MAP2K5: variants seen among roughly 807,000 people sequenced by gnomAD.
The protein encoded by MAP2K5 is dual specificity mitogen-activated protein kinase kinase 5.
A neutral mutation model predicts 83.1 loss-of-function variants in MAP2K5; 49 were observed. That is an observed-to-expected ratio of 0.59 (90% CI 0.47 to 0.75). MAP2K5 has a LOEUF of 0.75. Among genes scored for constraint, MAP2K5 ranks in the 30% least tolerant of loss-of-function variants. The pLI is 0.00. For synonymous variants in MAP2K5, 202 were observed against 191.8 expected, an observed-to-expected ratio of 1.05 and a Z score of -0.44; for missense variants, 457 against 557.5, an observed-to-expected ratio of 0.82 and a Z score of 1.82.
chr15:67,786,650 A>C lies in MAP2K5; in HGVS notation c.1242+13898A>C, dbSNP rs975354372. ...TCGGGCCTGAGTACAGAACTTGGAA[A>C]GTGGTGGTACAACAGAAAGCCAGCT... On this transcript the variant is annotated intron_variant, in intron 21 of 21. Coordinates refer to ENST00000178640, the MANE Select transcript of MAP2K5 (RefSeq NM_145160.3). This position sits in a 1 kb window ranked among gnomAD's most constrained non-coding sequence, Gnocchi z 4.7. 6.6e-6 allele frequency among the ~76,000 whole-genome samples: 1 copy of C among 152,182 alleles called. No homozygotes were observed. Among genetic ancestry groups the C allele is most frequent in the East Asian group, 1.9e-4 (1 of 5,184 alleles).
At chr15:67,789,942 C>T (rs2090486869) in intron 21 of MAP2K5, among the ~76,000 whole-genome samples, 2 of 152,132 alleles carry the variant, frequency 1.3e-5, no homozygotes, top group South Asian at 4.1e-4. Flanking sequence ...CTTCTGCAGT[C>T]TGTGGTCCAG....
At chr15:67,585,833 G>A in intron 4 of MAP2K5, 57 bp from the exon 5 acceptor site, 1 of 1,472,976 alleles carries the variant, frequency 6.8e-7, no homozygotes, top group Non-Finnish European at 9.5e-7. Flanking sequence ...GATTCATTTT[G>A]AGCAAATTTG....
In MAP2K5 at chr15:67,690,625, C is replaced by G. The variant is rs573777585; in HGVS notation, c.848-1854C>G. 6.6e-6 allele frequency among the ~76,000 whole-genome samples: 1 copy of G among 151,782 alleles called. No individual in the cohort carries two copies. Among genetic ancestry groups the G allele is most frequent in the Non-Finnish European group, 1.5e-5 (1 of 67,976 alleles). On this transcript the variant is annotated intron_variant, in intron 13 of 21. Coordinates refer to ENST00000178640, the MANE Select transcript of MAP2K5 (RefSeq NM_145160.3). The surrounding 1 kb of genome is among the most constrained non-coding windows in gnomAD (Gnocchi z 4.3). ...CTCAGCTCACTGCAACCTCTGTTTC[C>G]CAGGTTGAAGCAATTCTCCTCCCTC...
At chr15:67,787,142 C>T (rs952749076) in intron 21 of MAP2K5, among the ~76,000 whole-genome samples, 4 of 152,184 alleles carry the variant, frequency 2.6e-5, no homozygotes, top group Non-Finnish European at 2.9e-5. Context: ...GCAGGCAGGG[C>T]GGACAACAGG....
intron 11 of MAP2K5, among the ~76,000 whole-genome samples, chr15:67,648,137 C>A (rs2086869904): frequency 1.3e-5 from 2 of 152,152 alleles, no homozygotes; most frequent in Admixed American, 1.3e-4. Context: ...TTGATATACT[C>A]ACAAGGTTGT....
Position 67,677,880 on chromosome 15 carries a change from G to A in MAP2K5, c.847+13235G>A, listed in dbSNP as rs919320212. ...CCTTTATTGAAGAAGGAAAGGGCAC[G>A]TTTGTTGCCTCCATTCTGAACCGAA... is the stretch of plus-strand genomic sequence containing the variant. On this transcript the variant is annotated intron_variant, in intron 13 of 21. Transcript: ENST00000178640. The surrounding 1 kb of genome is among the most constrained non-coding windows in gnomAD (Gnocchi z 4.2). Among the ~76,000 whole-genome samples the A allele has an allele frequency of 5.7e-4, 87 of 152,222 alleles. 2 individuals are homozygous for A. The highest frequency in any genetic ancestry group is 1.6e-4 in the Non-Finnish European group (11 of 68,040).
intron 8 of MAP2K5, among the ~76,000 whole-genome samples, chr15:67,610,850 G>A (rs997333657): frequency 2.6e-5 from 4 of 152,122 alleles, no homozygotes; most frequent in African/African-American, 7.2e-5. Context: ...ATATCATGTT[G>A]TCTTCTTGAC....
intron 3 of MAP2K5, among the ~76,000 whole-genome samples, chr15:67,568,238 G>A (rs572651679): frequency 3.4e-4 from 52 of 152,244 alleles, no homozygotes; most frequent in African/African-American, 1.2e-3. Context: ...TTATATTTAA[G>A]TGAAGTGTAA....
chr15:67,673,715 A>G (rs1459884152), intron 13 of MAP2K5, among the ~76,000 whole-genome samples: 1 of 152,232 alleles, frequency 6.6e-6, no homozygotes, highest in Non-Finnish European at 1.5e-5. Flanking sequence ...TTATTAAAAG[A>G]TAATTTGCAT....
At chr15:67,666,862 A>G (rs181560153) in intron 13 of MAP2K5, among the ~76,000 whole-genome samples, 104 of 152,346 alleles carry the variant, frequency 6.8e-4, no homozygotes, top group African/African-American at 2.5e-3. Context: ...GTGCACCTAC[A>G]TCTGTCTCAA....
At chr15:67,728,423 CCCT>C (rs1170031460) in intron 17 of MAP2K5, among the ~76,000 whole-genome samples, 4 of 152,104 alleles carry the variant, frequency 2.6e-5, no homozygotes, top group African/African-American at 9.7e-5. Context: ...ATATTTTGCT[CCCT>C]CCTGTCTACA....
chr15:67,572,739 G>T lies in MAP2K5; in HGVS notation c.253-8015G>T, dbSNP rs1351783481. 6.6e-6 allele frequency among the ~76,000 whole-genome samples: 1 copy of T among 151,038 alleles called. No individual in the cohort carries two copies. The highest frequency in any genetic ancestry group is 1.5e-5 in the Non-Finnish European group (1 of 67,798). ...TTTTGAGATGGAGTCTTGCTCTGTT[G>T]CCCAGGCTGGAGTGCAGTGGTTCGA... On this transcript the variant is annotated intron_variant, in intron 3 of 21. Transcript: ENST00000178640. This position sits in a 1 kb window ranked among gnomAD's most constrained non-coding sequence, Gnocchi z 4.2.
chr15:67,549,260 G>C (rs1231430674), intron 1 of MAP2K5: 1 of 1,421,948 alleles, frequency 7.0e-7, no homozygotes, highest in East Asian at 2.5e-5. Context: ...TAATTTTCAT[G>C]TGTTTTCAAC....
intron 9 of MAP2K5, among the ~76,000 whole-genome samples, chr15:67,635,050 C>T (rs2086569035): frequency 6.6e-6 from 1 of 152,124 alleles, no homozygotes; most frequent in Non-Finnish European, 1.5e-5. Context: ...TATTGTACCA[C>T]TTTATAGTCT....
chr15:67,704,889 G>A (rs1486602821), intron 16 of MAP2K5, among the ~76,000 whole-genome samples: 2 of 152,330 alleles, frequency 1.3e-5, no homozygotes, highest in South Asian at 4.1e-4. Context: ...GTTACATGGT[G>A]TAGAGATAAG....
intron 11 of MAP2K5, among the ~76,000 whole-genome samples, chr15:67,650,717 C>G (rs1199227617): frequency 6.6e-6 from 1 of 151,600 alleles, no homozygotes; most frequent in Non-Finnish European, 1.5e-5. Context: ...TTATATGTTC[C>G]TGGGTTCAGT....
Position 67,724,638 on chromosome 15 carries a change from A to G in MAP2K5, c.1045-3278A>G, listed in dbSNP as rs2089048687. ...TTCTTTTTTACCTCCTCCCAATAGA[A>G]CTTGATAAAAAGAGTTCTAGAGCCT... On this transcript the variant is annotated intron_variant, in intron 16 of 21. Coordinates refer to ENST00000178640, the MANE Select transcript of MAP2K5 (RefSeq NM_145160.3). The surrounding 1 kb of genome is among the most constrained non-coding windows in gnomAD (Gnocchi z 4.4). Among the ~76,000 whole-genome samples, 1 of 152,172 alleles carries G rather than the reference A, an allele frequency of 6.6e-6. No individual in the cohort carries two copies. The highest frequency in any genetic ancestry group is 1.5e-5 in the Non-Finnish European group (1 of 68,026).
chr15:67,575,912 CTTTCT>C (rs1263094486), intron 3 of MAP2K5, among the ~76,000 whole-genome samples: 4 of 10,524 alleles, frequency 3.8e-4, no homozygotes, highest in East Asian at 5.7e-3. Flanking sequence ...TTCTTTCTTT[CTTTCT>C]TTTTTTTTTT....
At position 67,717,429 on chromosome 15, in the gene MAP2K5, G is replaced by A. The variant is rs2088853056; in HGVS notation, c.1045-10487G>A. Among the ~76,000 whole-genome samples, 1 of 152,164 alleles carries A rather than the reference G, an allele frequency of 6.6e-6. No homozygotes were observed. Among genetic ancestry groups the A allele is most frequent in the Non-Finnish European group, 1.5e-5 (1 of 68,018 alleles). On this transcript the variant is annotated intron_variant, in intron 16 of 21. Transcript: ENST00000178640. This position sits in a 1 kb window ranked among gnomAD's most constrained non-coding sequence, Gnocchi z 4.1. Reference sequence around the variant, plus strand: ...TGTTGGCAGTAAGGGTACATACTTTGCCCTCAGTGACTCCTTGACTAATAG... The same window carrying A: ...TGTTGGCAGTAAGGGTACATACTTTACCCTCAGTGACTCCTTGACTAATAG...
Sources: allele counts gnomAD v4.1 joint callset (sites outside exome capture counted in the v4.1 genomes callset), GRCh38; gene constraint gnomAD v4.1.1; non-coding constraint Gnocchi (gnomAD v3.1); transcripts MANE v1.5; gene names NCBI Gene and HGNC (gene_info 2026-07-23, HGNC 2026-07-21).